The following TMEM201 variants were observed in gnomAD, a reference collection of about 807,000 sequenced individuals.
TMEM201 encodes the protein transmembrane protein 201, also known as RP13-15M17.2.
TMEM201 carries 26 observed loss-of-function variants against 63.4 expected under a neutral mutation model. The ratio of observed to expected loss-of-function variants is 0.41; its 90% CI spans 0.30 to 0.57. The LOEUF is 0.57. Among genes scored for constraint, TMEM201 ranks in the 20% least tolerant of loss-of-function variants. TMEM201 has a pLI of 0.29. For synonymous variants in TMEM201, 417 were observed against 421.6 expected, an observed-to-expected ratio of 0.99 and a Z score of 0.14; for missense variants, 794 against 917.7, an observed-to-expected ratio of 0.87 and a Z score of 1.74.
intron 4 of TMEM201, among the ~76,000 whole-genome samples, chr1:9,598,914 T>C (rs1404947757): frequency 6.6e-6 from 1 of 150,792 alleles, no homozygotes; most frequent in Non-Finnish European, 1.5e-5. Context: ...CTCCCAAAGT[T>C]CTGGGATTAC....
In TMEM201 at chr1:9,614,152, A is replaced by G. The variant is rs908501541; in HGVS notation, c.*1069A>G. 1.3e-5 allele frequency: 2 copies of G among 150,884 alleles called. No homozygotes were observed. Among genetic ancestry groups the G allele is most frequent in the Admixed American group, 1.3e-4 (2 of 15,060 alleles). 9.3% of individuals were successfully genotyped at this position (150,884 alleles called of 1,614,324 possible). A position where few individuals can be genotyped will look rare whatever the true frequency, so the allele number is the denominator to read the frequency against. On this transcript the variant is annotated 3_prime_UTR_variant, in exon 11 of 11. Coordinates refer to ENST00000340381, the MANE Select transcript of TMEM201 (RefSeq NM_001130924.3). Reference sequence around the variant, plus strand: ...TGGGCCTGGGACACGGGCCTGGGGCAGTGTGTGTCTGCTGGTCATGTGCTG... The same window carrying G: ...TGGGCCTGGGACACGGGCCTGGGGCGGTGTGTGTCTGCTGGTCATGTGCTG...
rs1644012771 is a variant in TMEM201, at chr1:9,596,021, C to G, written c.234+11C>G. The G allele has an allele frequency of 5.6e-6, 9 of 1,611,290 alleles. No homozygotes were observed. The highest frequency in any genetic ancestry group is 7.6e-6 in the Non-Finnish European group (9 of 1,179,878). On this transcript the variant is annotated intron_variant, in intron 2 of 10. Coordinates refer to ENST00000340381, the MANE Select transcript of TMEM201 (RefSeq NM_001130924.3). Reference sequence around the variant, plus strand: ...AACGGCTTCCAGGAGGTGTGGGTCACAGGCAGGCGGACGGGTGGGCACGCG... The same window carrying G: ...AACGGCTTCCAGGAGGTGTGGGTCAGAGGCAGGCGGACGGGTGGGCACGCG...
At chr1:9,589,510 G>A (rs1053142429) in intron 1 of TMEM201, among the ~76,000 whole-genome samples, 3 of 152,266 alleles carry the variant, frequency 2.0e-5, no homozygotes, top group Non-Finnish European at 4.4e-5. Flanking sequence ...GGACAGGGAG[G>A]CTCAGTAACT....
chr1:9,601,182 A>G lies in TMEM201; in HGVS notation c.684A>G (p.Leu228=), dbSNP rs1644132657. 6.2e-7 allele frequency: 1 copy of G among 1,612,236 alleles called. No individual in the cohort carries two copies. ...TCGCCTTCCTGGCCTGCGCCTTCCTACTGACCACCGCGCTGTATGGGGCCA... is the reference window on the plus strand; with the variant it reads ...TCGCCTTCCTGGCCTGCGCCTTCCTGCTGACCACCGCGCTGTATGGGGCCA... ...RALAFLACAF[L]LTTALYGASG... Residue 228 remains leucine, a synonymous_variant, in exon 5 of 11, where the codon CTA becomes CTG. Transcript: ENST00000340381.
chr1:9,594,390 G>T (rs767364374), intron 1 of TMEM201, among the ~76,000 whole-genome samples: 6 of 152,180 alleles, frequency 3.9e-5, no homozygotes, highest in Non-Finnish European at 8.8e-5. Context: ...GATCCCAGCT[G>T]CCCCTGTGGG....
At chr1:9,598,380 T>C (rs1013774012) in intron 3 of TMEM201, 69 bp from the exon 4 acceptor site, 2 of 1,550,458 alleles carry the variant, frequency 1.3e-6, no homozygotes, top group African/African-American at 1.4e-5. Context: ...TGATTCCACG[T>C]CTGACCTGTA....
rs1488997710 is a variant in TMEM201, at chr1:9,608,605, G to A, written c.1393+816G>A. ...ATGGAACTTGGGGTGGGAGGTGCCA[G>A]GAGCAGCCCTGCCCTGGGCCTGAGC... On this transcript the variant is annotated intron_variant, in intron 7 of 10. Coordinates refer to ENST00000340381, the MANE Select transcript of TMEM201 (RefSeq NM_001130924.3). The surrounding 1 kb of genome is among the most constrained non-coding windows in gnomAD (Gnocchi z 4.3). Among the ~76,000 whole-genome samples, 1 of 152,246 alleles carries A rather than the reference G, an allele frequency of 6.6e-6. No individual in the cohort carries two copies. The highest frequency in any genetic ancestry group is 1.9e-4 in the East Asian group (1 of 5,204).
At position 9,610,852 on chromosome 1, in the gene TMEM201, G is replaced by A; in HGVS notation, c.1765+47G>A. ...AAGGGGCCGTGGGAGGGCCTCTGCT[G>A]CCAAGAGGCCTGGCTGTGCGGCGGT... On this transcript the variant is annotated intron_variant, in intron 9 of 10. Transcript: ENST00000340381. The surrounding 1 kb of genome is among the most constrained non-coding windows in gnomAD (Gnocchi z 4.9). 7 of 1,501,168 alleles carry A rather than the reference G, an allele frequency of 4.7e-6. No individual in the cohort carries two copies. The highest frequency in any genetic ancestry group is 6.3e-6 in the Non-Finnish European group (7 of 1,119,800). The allele number at this position is 1,501,168 out of a possible 1,614,324, so 93.0% of individuals were successfully genotyped here.
chr1:9,601,975 G>T, intron 5 of TMEM201, 94 bp from the exon 6 acceptor site: 1 of 1,427,710 alleles, frequency 7.0e-7, no homozygotes, highest in Non-Finnish European at 9.4e-7. Flanking sequence ...ACTCTTCTGA[G>T]CAGGGCCAGG....
chr1:9,604,915 T>G lies in TMEM201; in HGVS notation c.1161-2642T>G. 2.0e-6 allele frequency: 2 copies of G among 985,964 alleles called. No homozygotes were observed. Among genetic ancestry groups the G allele is most frequent in the Non-Finnish European group, 2.4e-6 (2 of 829,978 alleles). 61.1% of individuals were successfully genotyped at this position (985,964 alleles called of 1,614,324 possible). A position where few individuals can be genotyped will look rare whatever the true frequency, so the allele number is the denominator to read the frequency against. ...CCTAGATGTCGTGTTTTGGATGCTGTGTTTTCAATAAATGCCTCTGGGGCC... is the reference window on the plus strand; with the variant it reads ...CCTAGATGTCGTGTTTTGGATGCTGGGTTTTCAATAAATGCCTCTGGGGCC... On this transcript the variant is annotated intron_variant, in intron 6 of 10. Coordinates refer to ENST00000340381, the MANE Select transcript of TMEM201 (RefSeq NM_001130924.3). The surrounding 1 kb of genome is among the most constrained non-coding windows in gnomAD (Gnocchi z 4.1).
At chr1:9,611,199 C>A in intron 9 of TMEM201, 2 of 367,324 alleles carry the variant, frequency 5.4e-6, no homozygotes, top group Non-Finnish European at 9.3e-6. Context: ...TGTAGATTTC[C>A]TTTTTTTTTT....
In TMEM201 at chr1:9,601,918, G is replaced by A; in HGVS notation, c.957-151G>A. 7 of 884,664 alleles carry A rather than the reference G, an allele frequency of 7.9e-6. No homozygotes were observed. In the Admixed American group the frequency reaches 8.7e-5, roughly 11 times the overall value. 54.8% of individuals were successfully genotyped at this position (884,664 alleles called of 1,614,324 possible). ...ACCCACCTGCTCAGAGCCAGGTAGC[G>A]TGTGAGTGTGAGGGGATTCCGAGCC... On this transcript the variant is annotated intron_variant, in intron 5 of 10. Coordinates refer to ENST00000340381, the MANE Select transcript of TMEM201 (RefSeq NM_001130924.3).
At chr1:9,598,974 C>T (rs1644082775) in intron 4 of TMEM201, among the ~76,000 whole-genome samples, 1 of 150,788 alleles carries the variant, frequency 6.6e-6, no homozygotes. Context: ...CAGAGTCTTG[C>T]TCTGTCACCC....
At position 9,603,932 on chromosome 1, in the gene TMEM201, G is replaced by T; in HGVS notation, c.1160+1660G>T. On this transcript the variant is annotated intron_variant, in intron 6 of 10. Coordinates refer to ENST00000340381, the MANE Select transcript of TMEM201 (RefSeq NM_001130924.3). This position sits in a 1 kb window ranked among gnomAD's most constrained non-coding sequence, Gnocchi z 4.5. Reference sequence around the variant, plus strand: ...AACCCCTCTGAAAAGATGTGGTCGGGGCCACGCTTCCCACTGGTTCTGCAG... The same window carrying T: ...AACCCCTCTGAAAAGATGTGGTCGGTGCCACGCTTCCCACTGGTTCTGCAG... 1 of 985,458 alleles carries T rather than the reference G, an allele frequency of 1.0e-6. No individual in the cohort carries two copies. The highest frequency in any genetic ancestry group is 4.7e-5 in the South Asian group (1 of 21,284). The allele number at this position is 985,458 out of a possible 1,614,324, so 61.0% of individuals were successfully genotyped here.
intron 1 of TMEM201, among the ~76,000 whole-genome samples, chr1:9,594,144 A>C (rs1011523744): frequency 6.6e-6 from 1 of 152,162 alleles, no homozygotes; most frequent in African/African-American, 2.4e-5. Context: ...GCCCCTTTTG[A>C]CAGGTGAGGG....
rs1644198722 is a variant in TMEM201, at chr1:9,604,050, A to C, written c.1160+1778A>C. ...TGCCTGTGCACTCACGCCACCCCCC[A>C]GCCCACAAAGAGCCCATCTGAGAGA... On this transcript the variant is annotated intron_variant, in intron 6 of 10. Transcript: ENST00000340381. The surrounding 1 kb of genome is among the most constrained non-coding windows in gnomAD (Gnocchi z 4.1). The C allele has an allele frequency of 1.0e-6, 1 of 985,348 alleles. No homozygotes were observed. The highest frequency in any genetic ancestry group is 1.2e-6 in the Non-Finnish European group (1 of 829,958). The allele number at this position is 985,348 out of a possible 1,614,324, so 61.0% of individuals were successfully genotyped here. A position where few individuals can be genotyped will look rare whatever the true frequency, so the allele number is the denominator to read the frequency against.
At position 9,596,852 on chromosome 1, in the gene TMEM201, C is replaced by T. The variant is rs1644030206; in HGVS notation, c.235-7C>T. 5.7e-6 allele frequency: 9 copies of T among 1,579,378 alleles called. No homozygotes were observed. Among genetic ancestry groups the T allele is most frequent in the African/African-American group, 1.3e-5 (1 of 74,424 alleles). ...TGCCTGCCTCGAGTCCCACCTCTCTCCCGCAGAACGGCGACTACAACAAGC... is the reference window on the plus strand; with the variant it reads ...TGCCTGCCTCGAGTCCCACCTCTCTTCCGCAGAACGGCGACTACAACAAGC... On this transcript the variant is annotated splice_region_variant and splice_polypyrimidine_tract_variant and intron_variant, in intron 2 of 10. Coordinates refer to ENST00000340381, the MANE Select transcript of TMEM201 (RefSeq NM_001130924.3).
At chr1:9,596,138 C>G in intron 2 of TMEM201, 128 bp downstream of exon 2, 1 of 1,213,424 alleles carries the variant, frequency 8.2e-7, no homozygotes, top group Non-Finnish European at 1.1e-6. Flanking sequence ...ATACCCTGTC[C>G]TCTCCAGGCC....
chr1:9,601,762 G>A (rs1644147678), intron 5 of TMEM201, among the ~76,000 whole-genome samples: 1 of 152,080 alleles, frequency 6.6e-6, no homozygotes, highest in South Asian at 2.1e-4. Context: ...CTCACGTGGG[G>A]GCCTCTGGGG....
Sources: allele counts gnomAD v4.1 joint callset (sites outside exome capture counted in the v4.1 genomes callset), GRCh38; gene constraint gnomAD v4.1.1; non-coding constraint Gnocchi (gnomAD v3.1); transcripts MANE v1.5; gene names NCBI Gene and HGNC (gene_info 2026-07-23, HGNC 2026-07-21).